Variants in SYTL2 observed in about 807,000 individuals in gnomAD.
SYTL2 encodes synaptotagmin-like protein 2.
Under a neutral mutation model 198.7 loss-of-function variants are expected in SYTL2, and 165 were observed. That is an observed-to-expected ratio of 0.83 (90% CI 0.73 to 0.94). SYTL2 has a LOEUF of 0.94. Among genes scored for constraint, SYTL2 ranks in the 40% least tolerant of loss-of-function variants. The pLI, the probability that SYTL2 is intolerant of heterozygous loss-of-function variation, is 0.00. For synonymous variants in SYTL2, 966 were observed against 917.7 expected (o/e 1.05, Z -0.95); for missense variants, 2,835 against 2,582.8 (o/e 1.10, Z -2.12).
At chr11:85,696,067 A>G in intron 19 of SYTL2, 116 bp downstream of exon 19, 1 of 774,200 alleles carries the variant, frequency 1.3e-6, no homozygotes, top group African/African-American at 1.7e-5. Context: ...TACTTAAGAG[A>G]TATCTGTTTT....
chr11:85,769,461 C>T (rs1015588118), intron 1 of SYTL2, among the ~76,000 whole-genome samples: 12 of 152,224 alleles, frequency 7.9e-5, no homozygotes, highest in Non-Finnish European at 7.3e-5. Context: ...AGATTCTCCC[C>T]TAGAGCCTCC....
intron 1 of SYTL2, among the ~76,000 whole-genome samples, chr11:85,763,191 G>T (rs1384781876): frequency 6.6e-6 from 1 of 152,202 alleles, no homozygotes; most frequent in African/African-American, 2.4e-5. Context: ...TGAGGCTCTG[G>T]TGAGAATTCA....
In SYTL2 at chr11:85,747,928, T is replaced by G. The variant is rs149028125; in HGVS notation, c.253+344A>C. ...TCACTGAAAAGAGAGGCTGATATCT[T>G]TTTGTCTAAGCCCTTCATTTTACTC... On this transcript the variant is annotated intron_variant, in intron 3 of 19. Coordinates refer to ENST00000359152, the MANE Select transcript of SYTL2 (RefSeq NM_206927.4). Among the ~76,000 whole-genome samples the G allele has an allele frequency of 1.4e-3, 212 of 152,294 alleles. 3 individuals are homozygous for G. The East Asian group carries it at 0.039, about 28-fold the overall frequency.
At chr11:85,827,351 G>C in the SYTL2 span, among the ~76,000 whole-genome samples, 1 of 152,094 alleles carries the variant, frequency 6.6e-6, no homozygotes, top group Non-Finnish European at 1.5e-5. Flanking sequence ...GAGGAAAAGG[G>C]ATCCCATGAT....
intron 1 of SYTL2, among the ~76,000 whole-genome samples, chr11:85,760,335 T>G (rs2092062827): frequency 6.6e-6 from 1 of 152,226 alleles, no homozygotes; most frequent in African/African-American, 2.4e-5. Flanking sequence ...AGGAACCTGC[T>G]AATACAAACA....
intron 1 of SYTL2, among the ~76,000 whole-genome samples, chr11:85,810,559 C>G (rs773472144): frequency 1.3e-5 from 2 of 152,124 alleles, no homozygotes; most frequent in Non-Finnish European, 2.9e-5. Flanking sequence ...CACCTGTAAA[C>G]AGGTGCTGAC....
At chr11:85,794,646 C>A (rs759095851) in intron 1 of SYTL2, among the ~76,000 whole-genome samples, 1 of 152,100 alleles carries the variant, frequency 6.6e-6, no homozygotes, top group South Asian at 2.1e-4. Flanking sequence ...TTTATCAAGA[C>A]TTTTCTACTT....
In SYTL2 at chr11:85,726,307, C is replaced by T. The variant is rs1401311881; in HGVS notation, c.3051G>A (p.Arg1017=). 21 of 1,613,970 alleles carry T rather than the reference C, an allele frequency of 1.3e-5. No individual in the cohort carries two copies. The highest frequency in any genetic ancestry group is 1.8e-5 in the Non-Finnish European group (21 of 1,179,964). ...TSQKNSAPFN[R]QKHKEFSDIK... is the part of the protein sequence containing the mutation. Reference sequence around the variant, plus strand: ...TGTCGCTGAATTCCTTGTGTTTCTGCCTATTAAAAGGTGCAGAATTTTTTT... The same window carrying T: ...TGTCGCTGAATTCCTTGTGTTTCTGTCTATTAAAAGGTGCAGAATTTTTTT... Residue 1017 remains arginine, a synonymous_variant, in exon 8 of 20, where the codon AGG becomes AGA. Transcript: ENST00000359152.
intron 6 of SYTL2, among the ~76,000 whole-genome samples, chr11:85,735,746 G>T (rs958562731): frequency 6.6e-6 from 1 of 151,250 alleles, no homozygotes; most frequent in Non-Finnish European, 1.5e-5. Flanking sequence ...AATAGAGTGG[G>T]ACTCCATGGC....
At position 85,760,644 on chromosome 11, in the gene SYTL2, G is replaced by A. The variant is rs145016455; in HGVS notation, c.-389-2530C>T. ...GTTCGATGTGAGACTTTAAATTCAAGGAGTGGTGGACAGGAAGAAAACAAC... is the reference window on the plus strand; with the variant it reads ...GTTCGATGTGAGACTTTAAATTCAAAGAGTGGTGGACAGGAAGAAAACAAC... On this transcript the variant is annotated intron_variant, in intron 1 of 19. Transcript: ENST00000359152. 8.6e-3 allele frequency among the ~76,000 whole-genome samples: 1,306 copies of A among 152,230 alleles called. 13 individuals are homozygous for A. Among genetic ancestry groups the A allele is most frequent in the Middle Eastern group, 0.02 (6 of 294 alleles).
chr11:85,846,005 C>T, the SYTL2 span, among the ~76,000 whole-genome samples: 177 of 152,330 alleles, frequency 1.2e-3, 1 homozygote, highest in African/African-American at 4.2e-3. Context: ...AATTGGTGAT[C>T]TCTCGCTCCT....
chr11:85,723,584 C>A (rs2088672519), intron 8 of SYTL2, among the ~76,000 whole-genome samples: 1 of 152,154 alleles, frequency 6.6e-6, no homozygotes, highest in African/African-American at 2.4e-5. Context: ...GGAAGAAATT[C>A]TAAATATTTC....
intron 16 of SYTL2, among the ~76,000 whole-genome samples, chr11:85,702,888 C>T (rs1314316266): frequency 6.6e-6 from 1 of 152,128 alleles, no homozygotes; most frequent in African/African-American, 2.4e-5. Flanking sequence ...CATTAAATAA[C>T]TTTGCATGCT....
chr11:85,725,890 A>C lies in SYTL2; in HGVS notation c.3468T>G (p.His1156Gln). ...CACTTGGTTCAAGCACTTGTTTTCC[A>C]TGAACTTTTCCACCAGAGGGTTGAA... Reference protein sequence around the residue: ...PAIQPSGGKVHGKQVLEPSVS... With the variant: ...PAIQPSGGKVQGKQVLEPSVS... Residue 1156 changes from histidine (H) to glutamine (Q), a missense_variant, in exon 8 of 20, where the codon CAT becomes CAG. Physicochemically the swap from His to Gln is conservative, Grantham distance 24 (BLOSUM62 0). This residue lies in a region of SYTL2 where 2,645 missense variants were observed against 2,381.7 expected (regional missense o/e 1.11). Transcript: ENST00000359152. 6.2e-7 allele frequency: 1 copy of C among 1,613,868 alleles called. No homozygotes were observed. The highest frequency in any genetic ancestry group is 8.5e-7 in the Non-Finnish European group (1 of 1,179,952).
chr11:85,837,873 C>T, the SYTL2 span, among the ~76,000 whole-genome samples: 1 of 152,166 alleles, frequency 6.6e-6, no homozygotes, highest in African/African-American at 2.4e-5. Context: ...ACCACGCTTT[C>T]TCAATCTCAG....
chr11:85,798,389 T>C (rs2092835501), intron 1 of SYTL2, among the ~76,000 whole-genome samples: 1 of 152,206 alleles, frequency 6.6e-6, no homozygotes, highest in Admixed American at 6.5e-5. Flanking sequence ...TCTTGAGAAA[T>C]GGGCCCTTCT....
At chr11:85,781,920 C>T (rs187348041) in intron 1 of SYTL2, among the ~76,000 whole-genome samples, 1 of 152,308 alleles carries the variant, frequency 6.6e-6, no homozygotes, top group East Asian at 1.9e-4. Flanking sequence ...TACAGCTTTT[C>T]CAGGCACACA....
At chr11:85,770,019 T>G (rs539089683) in intron 1 of SYTL2, among the ~76,000 whole-genome samples, 109 of 152,300 alleles carry the variant, frequency 7.2e-4, no homozygotes, top group Non-Finnish European at 1.1e-3. Context: ...CAGATGTTCC[T>G]CATAGATAAG....
upstream of SYTL2, among the ~76,000 whole-genome samples, chr11:85,816,097 G>A (rs936470730): frequency 3.9e-5 from 6 of 152,042 alleles, no homozygotes; most frequent in African/African-American, 1.2e-4. Flanking sequence ...CCTGGGAGGC[G>A]GAGGTTGCAG....
Sources: gnomAD v4.1 joint callset for allele counts (sites outside exome capture counted in the v4.1 genomes callset) on GRCh38, gnomAD v4.1.1 for gene constraint, gnomAD v4.1.1 regional missense constraint, MANE v1.5 for transcripts, NCBI Gene and HGNC (gene_info 2026-07-23, HGNC 2026-07-21) for gene names.